Variants in LEMD1 observed in about 807,000 individuals in gnomAD.
LEMD1 encodes LEM domain containing 1.
LEMD1 carries 18 observed loss-of-function variants against 17.4 expected under a neutral mutation model. The observed-to-expected ratio is 1.04, with a 90% CI of 0.72 to 1.54. LEMD1 has a LOEUF of 1.54. Ranked by LOEUF, LEMD1 falls within the 40% of genes most tolerant of loss-of-function variation. LEMD1 has a pLI of 0.00. For synonymous variants in LEMD1, 88 were observed against 77.8 expected, an observed-to-expected ratio of 1.13 and a Z score of -0.69; for missense variants, 195 against 210.4, an observed-to-expected ratio of 0.93 and a Z score of 0.45.
At chr1:205,435,265 T>C (rs984189945) in intron 1 of LEMD1, 3 of 152,170 alleles carry the variant, frequency 2.0e-5, no homozygotes, top group African/African-American at 7.2e-5. Context: ...GTGGGGAACG[T>C]TAGCACCATT....
At chr1:205,397,733 C>T (rs971106719) in intron 4 of LEMD1, among the ~76,000 whole-genome samples, 4 of 152,118 alleles carry the variant, frequency 2.6e-5, no homozygotes, top group African/African-American at 7.2e-5. Flanking sequence ...ACAGGAAACT[C>T]CTCTTCCTAA....
At chr1:205,447,093 C>A (rs1010846782) in intron 1 of LEMD1, among the ~76,000 whole-genome samples, 1 of 152,212 alleles carries the variant, frequency 6.6e-6, no homozygotes, top group Non-Finnish European at 1.5e-5. Context: ...AGTACTTTCC[C>A]ATGCACTGGT....
intron 2 of LEMD1, among the ~76,000 whole-genome samples, chr1:205,419,758 G>A (rs73070644): frequency 0.013 from 2,027 of 152,152 alleles, 33 homozygotes; most frequent in African/African-American, 0.043. Flanking sequence ...GAGCCACTGC[G>A]CCCTGCCCAA....
At chr1:205,412,846 C>T (rs1332815863) in intron 4 of LEMD1, among the ~76,000 whole-genome samples, 2 of 152,140 alleles carry the variant, frequency 1.3e-5, no homozygotes, top group Non-Finnish European at 2.9e-5. Flanking sequence ...AAGTGGAGAC[C>T]GAAGGCCACT....
chr1:205,382,355 T>C (rs1344657348), intron 5 of LEMD1, among the ~76,000 whole-genome samples: 1 of 151,878 alleles, frequency 6.6e-6, no homozygotes, highest in Non-Finnish European at 1.5e-5. Flanking sequence ...AGTTTGAGGC[T>C]GCAGTGTACT....
intron 3 of LEMD1, 45 bp downstream of exon 3, chr1:205,419,185 A>G (rs757965805): frequency 6.2e-7 from 1 of 1,603,882 alleles, no homozygotes; most frequent in South Asian, 1.1e-5. Flanking sequence ...ACAAGGTATT[A>G]ATAAGTGCAA....
At chr1:205,399,953 A>C (rs934759780) in intron 4 of LEMD1, among the ~76,000 whole-genome samples, 2 of 152,276 alleles carry the variant, frequency 1.3e-5, no homozygotes, top group African/African-American at 4.8e-5. Context: ...AGTGCTCTAC[A>C]GATGCTAAGG....
intron 3 of LEMD1, among the ~76,000 whole-genome samples, 168 bp downstream of exon 3, chr1:205,419,062 A>G (rs1036671705): frequency 1.3e-5 from 2 of 152,270 alleles, no homozygotes; most frequent in Non-Finnish European, 2.9e-5. Context: ...TGAAGTTAAC[A>G]GATTCTTTTT....
intron 4 of LEMD1, among the ~76,000 whole-genome samples, chr1:205,388,591 C>G (rs897339919): frequency 6.6e-6 from 1 of 152,182 alleles, no homozygotes; most frequent in Non-Finnish European, 1.5e-5. Flanking sequence ...TTGCCCTAGA[C>G]AACACAATTC....
intron 1 of LEMD1, 78 bp from the exon 2 acceptor site, chr1:205,420,652 T>C (rs1312638799): frequency 2.6e-6 from 2 of 779,284 alleles, no homozygotes; most frequent in Non-Finnish European, 4.4e-6. Flanking sequence ...CACATAAGTG[T>C]TTATAATCCT....
intron 3 of LEMD1, among the ~76,000 whole-genome samples, chr1:205,418,411 C>A (rs1446077898): frequency 1.3e-5 from 2 of 152,174 alleles, no homozygotes; most frequent in East Asian, 3.8e-4. Context: ...TCCTGGAGAC[C>A]CCTGTTCCCT....
intron 1 of LEMD1, among the ~76,000 whole-genome samples, chr1:205,445,665 AG>A (rs1296504325): frequency 6.6e-6 from 1 of 152,196 alleles, no homozygotes; most frequent in African/African-American, 2.4e-5. Context: ...GAGAGGTCAG[AG>A]CAGCAATAGT....
At chr1:205,393,283 T>C (rs957637547) in intron 4 of LEMD1, among the ~76,000 whole-genome samples, 1 of 152,038 alleles carries the variant, frequency 6.6e-6, no homozygotes, top group Non-Finnish European at 1.5e-5. Flanking sequence ...TATCTTGATA[T>C]AATGATGTCA....
chr1:205,424,453 T>C (rs1666030174), upstream of LEMD1, among the ~76,000 whole-genome samples: 1 of 152,200 alleles, frequency 6.6e-6, no homozygotes, highest in Non-Finnish European at 1.5e-5. Context: ...TCCTGTGGGA[T>C]AGGGGTTATG....
At chr1:205,428,612 T>C (rs751771685) in intron 1 of LEMD1, among the ~76,000 whole-genome samples, 22 of 152,044 alleles carry the variant, frequency 1.4e-4, no homozygotes, top group Non-Finnish European at 2.9e-4. Flanking sequence ...AGGGAAAGGC[T>C]TGGGAGGAAA....
chr1:205,448,174 A>G lies in LEMD1; in HGVS notation c.-39+1694T>C. ...AGGGAAGTGACTGGGCCAAGGTCAC[A>G]CGGCTTAGCCCCGATCCCAGGTTAC... On this transcript the variant is annotated intron_variant, in intron 1 of 3. Coordinates refer to the LEMD1 transcript ENST00000367154. This position sits in a 1 kb window ranked among gnomAD's most constrained non-coding sequence, Gnocchi z 4.7. 1 of 401,598 alleles carries G rather than the reference A, an allele frequency of 2.5e-6. No homozygotes were observed. The highest frequency in any genetic ancestry group is 2.0e-5 in the South Asian group (1 of 50,838). The allele number at this position is 401,598 out of a possible 1,614,324, so 24.9% of individuals were successfully genotyped here.
intron 4 of LEMD1, chr1:205,386,811 C>T (rs1664054888): frequency 6.6e-6 from 1 of 152,158 alleles, no homozygotes; most frequent in Non-Finnish European, 1.5e-5. Context: ...AGATTTCCCA[C>T]AAAGGTGCTA....
In LEMD1 at chr1:205,411,203, G is replaced by A. The variant is rs141890567; in HGVS notation, c.270+5029C>T. Reference sequence around the variant, plus strand: ...GAAAGAAGGAAAGGAAGGAAGGAAGGAAGAAAGAAAGAAAGGAAGGAAGGA... The same window carrying A: ...GAAAGAAGGAAAGGAAGGAAGGAAGAAAGAAAGAAAGAAAGGAAGGAAGGA... On this transcript the variant is annotated intron_variant, in intron 4 of 5. Coordinates refer to ENST00000367153, the MANE Select transcript of LEMD1 (RefSeq NM_001199050.2). Among the ~76,000 whole-genome samples, 46 of 129,112 alleles carry A rather than the reference G, an allele frequency of 3.6e-4. No homozygotes were observed. In the East Asian group the frequency reaches 4.6e-3, roughly 13 times the overall value. 84.7% of individuals were successfully genotyped at this position (129,112 alleles called of 152,430 possible). A position where few individuals can be genotyped will look rare whatever the true frequency, so the allele number is the denominator to read the frequency against.
intron 1 of LEMD1, among the ~76,000 whole-genome samples, chr1:205,444,107 A>G (rs1666342485): frequency 6.6e-6 from 1 of 152,050 alleles, no homozygotes; most frequent in South Asian, 2.1e-4. Context: ...ATCAGAGCTC[A>G]TCATGGGAAC....
Sources: allele counts gnomAD v4.1 joint callset (sites outside exome capture counted in the v4.1 genomes callset), GRCh38; gene constraint gnomAD v4.1.1; non-coding constraint Gnocchi (gnomAD v3.1); transcripts MANE v1.5; gene names NCBI Gene and HGNC (gene_info 2026-07-23, HGNC 2026-07-21).